The following EYS variants were observed in gnomAD, a reference collection of about 807,000 sequenced individuals.
EYS encodes the protein EGF-like photoreceptor maintenance factor.
Under a neutral mutation model 282.1 loss-of-function variants are expected in EYS, and 250 were observed. The observed-to-expected ratio is 0.89, with a 90% CI of 0.80 to 0.98. The LOEUF is 0.98. Ranked by LOEUF, EYS falls within the 50% of genes least tolerant of loss-of-function variation. EYS has a pLI of 0.00. For missense variants in EYS, 4,016 were observed against 3,709.0 expected (o/e 1.08, Z -2.15); for synonymous variants, 1,355 against 1,282.9 (o/e 1.06, Z -1.20).
In EYS at chr6:64,774,468, C is replaced by T. The variant is rs117402352; in HGVS notation, c.3443+38910G>A. Among the ~76,000 whole-genome samples, 22 of 152,058 alleles carry T rather than the reference C, an allele frequency of 1.4e-4. No homozygotes were observed. In the East Asian group the frequency reaches 3.9e-3, roughly 27 times the overall value. On this transcript the variant is annotated intron_variant, in intron 22 of 42. Coordinates refer to ENST00000503581, the MANE Select transcript of EYS (RefSeq NM_001142800.2). Reference sequence around the variant, plus strand: ...CATAAAGGTACCTGCTATCACCATGCATCTGCTTAGTGTGGAGTAGATTAT... The same window carrying T: ...CATAAAGGTACCTGCTATCACCATGTATCTGCTTAGTGTGGAGTAGATTAT...
chr6:64,962,003 C>CA (rs1269746141), intron 14 of EYS, among the ~76,000 whole-genome samples: 1 of 152,028 alleles, frequency 6.6e-6, no homozygotes, highest in Non-Finnish European at 1.5e-5. Flanking sequence ...GTGAAGTCAC[C>CA]AAAAACATAA....
chr6:63,783,631 A>G (rs1056121185), intron 39 of EYS, among the ~76,000 whole-genome samples: 1 of 152,364 alleles, frequency 6.6e-6, no homozygotes, highest in Non-Finnish European at 1.5e-5. Context: ...TTGGTGCTCC[A>G]AAGACTTCAG....
chr6:64,374,853 G>A, intron 29 of EYS, among the ~76,000 whole-genome samples: 1 of 152,168 alleles, frequency 6.6e-6, no homozygotes, highest in Non-Finnish European at 1.5e-5. Context: ...ACAGGGAGAG[G>A]GAGAGAGCCG....
chr6:65,249,965 T>G (rs1767279739), intron 12 of EYS, among the ~76,000 whole-genome samples: 1 of 152,018 alleles, frequency 6.6e-6, no homozygotes, highest in Non-Finnish European at 1.5e-5. Context: ...TACCAGAAGA[T>G]TGTGCAGAAA....
rs866926415 is a variant in EYS, at chr6:64,353,844, T to C, written c.6078+34846A>G. ...AGGAAGTTGGCCCTGCCAAGTGGGT[T>C]CATTGTTGCCTACAGTCTAGATTTT... On this transcript the variant is annotated intron_variant, in intron 29 of 42. Coordinates refer to ENST00000503581, the MANE Select transcript of EYS (RefSeq NM_001142800.2). 2.6e-5 allele frequency among the ~76,000 whole-genome samples: 4 copies of C among 151,612 alleles called. No homozygotes were observed. In the East Asian group the frequency reaches 7.8e-4, roughly 30 times the overall value.
intron 36 of EYS, among the ~76,000 whole-genome samples, chr6:63,826,646 C>T (rs1203026211): frequency 1.3e-5 from 2 of 152,024 alleles, no homozygotes; most frequent in Non-Finnish European, 2.9e-5. Context: ...TGAAACTAAG[C>T]ATCATATGTG....
chr6:65,663,409 C>A (rs1768074510), intron 1 of EYS, among the ~76,000 whole-genome samples: 1 of 151,898 alleles, frequency 6.6e-6, no homozygotes, highest in African/African-American at 2.4e-5. Flanking sequence ...AGGCTATAGT[C>A]CCATTTACAA....
intron 22 of EYS, among the ~76,000 whole-genome samples, chr6:64,640,575 G>T (rs182130055): frequency 6.3e-4 from 95 of 151,292 alleles, no homozygotes; most frequent in African/African-American, 2.0e-3. Flanking sequence ...GTTGTGGGGT[G>T]GGGGGAGTGG....
intron 31 of EYS, among the ~76,000 whole-genome samples, chr6:64,193,985 G>T (rs141759020): frequency 0.035 from 5,271 of 152,220 alleles, 221 homozygotes; most frequent in African/African-American, 0.098. Context: ...CTTTATAGCA[G>T]CATGATTTAT....
chr6:65,228,502 T>C (rs1012625609), intron 12 of EYS, among the ~76,000 whole-genome samples: 4 of 152,024 alleles, frequency 2.6e-5, no homozygotes, highest in Admixed American at 2.6e-4. Context: ...TTAATAATAC[T>C]TTTCCTCTTT....
At position 64,831,746 on chromosome 6, in the gene EYS, A is replaced by T. The variant is rs184419802; in HGVS notation, c.2993-8924T>A. 3.9e-5 allele frequency among the ~76,000 whole-genome samples: 6 copies of T among 152,118 alleles called. No homozygotes were observed. In the East Asian group the frequency reaches 1.2e-3, roughly 30 times the overall value. ...GCGGCCAGTTGTTAGAGGACTTCAC[A>T]GTTTATTGTAAAAGTTATAAAAACA... is the stretch of plus-strand genomic sequence containing the variant. On this transcript the variant is annotated intron_variant, in intron 19 of 42. Transcript: ENST00000503581.
At chr6:64,686,055 A>G (rs1464700360) in intron 22 of EYS, among the ~76,000 whole-genome samples, 1 of 152,258 alleles carries the variant, frequency 6.6e-6, no homozygotes, top group African/African-American at 2.4e-5. Flanking sequence ...CCAAGAGCCA[A>G]ATGAAAAAAA....
rs116116740 is a variant in EYS, at chr6:64,617,755, C to T, written c.3569-222G>A. On this transcript the variant is annotated intron_variant, in intron 23 of 42. Coordinates refer to ENST00000503581, the MANE Select transcript of EYS (RefSeq NM_001142800.2). The stretch of plus-strand genomic sequence containing the variant: ...AAACTCAGAGAAAATAAATAATTTG[C>T]TCTAAAATCACCTAGTTAAGTATAA... Among the ~76,000 whole-genome samples, 819 of 152,186 alleles carry T rather than the reference C, an allele frequency of 5.4e-3. 4 individuals are homozygous for T. The highest frequency in any genetic ancestry group is 0.013 in the South Asian group (62 of 4,826).
At chr6:65,568,010 C>G (rs1272999382) in intron 2 of EYS, among the ~76,000 whole-genome samples, 1 of 152,034 alleles carries the variant, frequency 6.6e-6, no homozygotes, top group Non-Finnish European at 1.5e-5. Context: ...TCCGTTTTCC[C>G]ACCTAGAACA....
chr6:64,846,344 A>G (rs1562222703), intron 19 of EYS, among the ~76,000 whole-genome samples: 1 of 152,124 alleles, frequency 6.6e-6, no homozygotes, highest in Non-Finnish European at 1.5e-5. Flanking sequence ...AGAATTGAAT[A>G]CTGTTCACGT....
rs1349089552 is a variant in EYS, at chr6:64,821,724, C to T, written c.3165-1G>A. On this transcript the variant is annotated splice_acceptor_variant, in intron 20 of 42. Transcript: ENST00000503581. LOFTEE classifies it high-confidence loss of function. ...ATATTCATTAATAAGTTCTGTGCAC[C>T]TGAAACACAGAATTAGAATTACATT... The T allele has an allele frequency of 2.7e-6, 4 of 1,483,502 alleles. No individual in the cohort carries two copies. Among genetic ancestry groups the T allele is most frequent in the Admixed American group, 4.0e-5 (2 of 49,888 alleles). 91.9% of individuals were successfully genotyped at this position (1,483,502 alleles called of 1,614,324 possible).
At chr6:64,089,451 T>C (rs1772277845) in intron 31 of EYS, among the ~76,000 whole-genome samples, 1 of 149,576 alleles carries the variant, frequency 6.7e-6, no homozygotes, top group African/African-American at 2.4e-5. Context: ...TGATTATAAT[T>C]ATGATTATCA....
At chr6:64,675,890 T>C (rs896222987) in intron 22 of EYS, among the ~76,000 whole-genome samples, 2 of 151,278 alleles carry the variant, frequency 1.3e-5, no homozygotes, top group Admixed American at 6.6e-5. Context: ...ATATGAAACT[T>C]TTAGACATGT....
chr6:64,926,341 A>G (rs1449732688), intron 15 of EYS, among the ~76,000 whole-genome samples: 1 of 152,198 alleles, frequency 6.6e-6, no homozygotes. Flanking sequence ...GCTGGCTGGC[A>G]GGTTTCCACA....
Sources: allele counts gnomAD v4.1 joint callset (sites outside exome capture counted in the v4.1 genomes callset), GRCh38; gene constraint gnomAD v4.1.1; transcripts MANE v1.5; gene names NCBI Gene and HGNC (gene_info 2026-07-23, HGNC 2026-07-21).